The following ARHGEF10 variants were observed in gnomAD, a reference collection of about 807,000 sequenced individuals.
ARHGEF10 encodes Rho guanine nucleotide exchange factor 10.
In ARHGEF10, 140 loss-of-function variants were observed where a neutral mutation model predicts 147.4. The ratio of observed to expected loss-of-function variants is 0.95; its 90% confidence interval spans 0.83 to 1.09. The LOEUF (loss-of-function observed/expected upper bound fraction) is 1.09, where lower values mean the gene tolerates loss of function less well. Among genes scored for constraint, ARHGEF10 ranks in the 50% least tolerant of loss-of-function variants. The pLI, the probability that ARHGEF10 is intolerant of heterozygous loss-of-function variation, is 0.00. For missense variants in ARHGEF10, 2,222 were observed against 1,752.7 expected (o/e 1.27, Z -4.78); for synonymous variants, 902 against 695.8 (o/e 1.30, Z -4.67).
intron 11 of ARHGEF10, among the ~76,000 whole-genome samples, chr8:1,888,672 G>GGTTTGTGAGGAGACACTGAATAGGGTGA (rs1809031119): frequency 8.6e-6 from 1 of 116,482 alleles, no homozygotes; most frequent in Admixed American, 7.8e-5. Flanking sequence ...AGTTGGGTGA[G>GGTTTGTGAGGAGACACTGAATAGGGTGA]GGTTTGTGAG....
intron 26 of ARHGEF10, among the ~76,000 whole-genome samples, chr8:1,944,245 C>G (rs1008840540): frequency 6.6e-6 from 1 of 152,106 alleles, no homozygotes; most frequent in Non-Finnish European, 1.5e-5. Context: ...CCCAGCCTCC[C>G]GCACCGTGTC....
At chr8:1,864,602 G>A (rs1480916731) in intron 5 of ARHGEF10, among the ~76,000 whole-genome samples, 166 bp downstream of exon 5, 1 of 152,204 alleles carries the variant, frequency 6.6e-6, no homozygotes, top group East Asian at 1.9e-4. Context: ...GAGTGTCCCT[G>A]GAAATGTAGG....
At chr8:1,849,385 A>G (rs1804810714) in intron 2 of ARHGEF10, among the ~76,000 whole-genome samples, 2 of 151,788 alleles carry the variant, frequency 1.3e-5, no homozygotes, top group East Asian at 3.9e-4. Context: ...CACAGAAGGC[A>G]AATGCCGAGG....
chr8:1,880,095 G>A lies in ARHGEF10; in HGVS notation c.891G>A (p.Met297Ile). The change falls in exon 9 of 29, where the codon ATG becomes ATA. Residue 297 changes from methionine to isoleucine, a missense_variant. Coordinates refer to ENST00000349830, the MANE Select transcript of ARHGEF10 (RefSeq NM_014629.4). ...TRLKEHYEKKMRDLMASTVGV... is the reference protein window; with the variant it reads ...TRLKEHYEKKIRDLMASTVGV... The stretch of plus-strand genomic sequence containing the variant: ...TAAAGGAGCACTATGAGAAAAAGAT[G>A]AGAGATTTGATGGCAAGCACGGTGG... The A allele has an allele frequency of 6.2e-7, 1 of 1,614,192 alleles. No homozygotes were observed. The highest frequency in any genetic ancestry group is 8.5e-7 in the Non-Finnish European group (1 of 1,180,014).
At chr8:1,846,977 G>T (rs1804613005) in intron 2 of ARHGEF10, among the ~76,000 whole-genome samples, 1 of 152,236 alleles carries the variant, frequency 6.6e-6, no homozygotes. Context: ...GTCCTCCTCA[G>T]TGGCTGCTCT....
intron 21 of ARHGEF10, among the ~76,000 whole-genome samples, chr8:1,924,111 C>A (rs1812503022): frequency 6.6e-6 from 1 of 152,168 alleles, no homozygotes; most frequent in Non-Finnish European, 1.5e-5. Flanking sequence ...GTTTCTGGTA[C>A]CAGAACATGA....
At chr8:1,899,890 G>A (rs1410226670) in intron 15 of ARHGEF10, among the ~76,000 whole-genome samples, 1 of 152,178 alleles carries the variant, frequency 6.6e-6, no homozygotes, top group African/African-American at 2.4e-5. Flanking sequence ...TTAGACATTA[G>A]TTATTCAGCC....
chr8:1,878,114 G>A (rs1807861912), intron 8 of ARHGEF10, among the ~76,000 whole-genome samples: 1 of 152,076 alleles, frequency 6.6e-6, no homozygotes, highest in Non-Finnish European at 1.5e-5. Context: ...AGTTCTTCCA[G>A]GAATTAGATC....
intron 6 of ARHGEF10, 111 bp downstream of exon 6, chr8:1,866,713 A>C (rs1806653373): frequency 1.9e-6 from 2 of 1,052,474 alleles, no homozygotes; most frequent in Admixed American, 1.8e-5. Flanking sequence ...AACTCTAAAA[A>C]GATGTTTATT....
chr8:1,853,083 A>T (rs116672565), intron 2 of ARHGEF10, among the ~76,000 whole-genome samples: 1 of 115,120 alleles, frequency 8.7e-6, no homozygotes, highest in African/African-American at 4.0e-5. Flanking sequence ...TGGGCCGGGC[A>T]CTGGCGGGTG....
At chr8:1,848,908 T>C (rs571257452) in intron 2 of ARHGEF10, among the ~76,000 whole-genome samples, 9 of 152,312 alleles carry the variant, frequency 5.9e-5, no homozygotes, top group Admixed American at 1.3e-4. Context: ...TTTATATGTA[T>C]AGTTTATTTA....
At chr8:1,893,758 A>G in intron 12 of ARHGEF10, 112 bp downstream of exon 12, 1 of 864,796 alleles carries the variant, frequency 1.2e-6, no homozygotes, top group East Asian at 2.6e-5. Context: ...TAACATGCAA[A>G]TTTGCAAAAT....
At chr8:1,950,534 A>G (rs1404993842) in intron 27 of ARHGEF10, among the ~76,000 whole-genome samples, 1 of 151,324 alleles carries the variant, frequency 6.6e-6, no homozygotes, top group Non-Finnish European at 1.5e-5. Context: ...TTATTTATTT[A>G]TTTATTTATT....
intron 2 of ARHGEF10, among the ~76,000 whole-genome samples, chr8:1,848,570 A>G (rs1018651835): frequency 1.3e-5 from 2 of 152,232 alleles, no homozygotes; most frequent in African/African-American, 2.4e-5. Flanking sequence ...TGTATTCACT[A>G]TGTAAATGTA....
chr8:1,917,144 A>G (rs2129198110), intron 18 of ARHGEF10, among the ~76,000 whole-genome samples: 1 of 152,338 alleles, frequency 6.6e-6, no homozygotes, highest in Admixed American at 6.5e-5. Flanking sequence ...TAATTTCCTT[A>G]GAAGTGGAAT....
intron 4 of ARHGEF10, among the ~76,000 whole-genome samples, chr8:1,862,671 C>T (rs1203846795): frequency 2.0e-5 from 3 of 152,202 alleles, no homozygotes; most frequent in South Asian, 2.1e-4. Context: ...TCTCACCGTG[C>T]AGCGAGATTG....
chr8:1,839,908 TGG>T (rs1491481562), intron 1 of ARHGEF10, among the ~76,000 whole-genome samples: 3 of 148,826 alleles, frequency 2.0e-5, no homozygotes, highest in African/African-American at 2.5e-5. Flanking sequence ...CTGTCCGGTG[TGG>T]GGACTGTCCG....
chr8:1,919,010 A>G (rs1811981507), intron 18 of ARHGEF10, among the ~76,000 whole-genome samples: 1 of 141,504 alleles, frequency 7.1e-6, no homozygotes, highest in Non-Finnish European at 1.5e-5. Context: ...TGGGTGATGG[A>G]GGTGTTCTGT....
At chr8:1,843,771 G>A (rs1005822068) in intron 2 of ARHGEF10, among the ~76,000 whole-genome samples, 2 of 152,218 alleles carry the variant, frequency 1.3e-5, no homozygotes, top group African/African-American at 4.8e-5. Context: ...GCGCCTTCCA[G>A]TGTTGAAGGC....
Sources: allele counts gnomAD v4.1 joint callset (sites outside exome capture counted in the v4.1 genomes callset), GRCh38; gene constraint gnomAD v4.1.1; transcripts MANE v1.5; gene names NCBI Gene and HGNC (gene_info 2026-07-23, HGNC 2026-07-21).